The following ERI1 variants were observed in gnomAD, a reference collection of about 807,000 sequenced individuals.
ERI1 encodes exoribonuclease 1.
A neutral mutation model predicts 39.7 loss-of-function variants in ERI1; 39 were observed. The observed-to-expected ratio is 0.98, with a 90% CI of 0.76 to 1.28. ERI1 has a LOEUF of 1.28. ERI1 is among the 50% of genes most tolerant of loss of function. The pLI, the probability that ERI1 is intolerant of heterozygous loss-of-function variation, is 0.00. For synonymous variants in ERI1, 204 were observed against 149.6 expected (o/e 1.36, Z -2.65); for missense variants, 581 against 416.9 (o/e 1.39, Z -3.43).
intron 3 of ERI1, among the ~76,000 whole-genome samples, chr8:9,083,245 A>C (rs1585294094): frequency 1.3e-5 from 2 of 152,148 alleles, no homozygotes; most frequent in East Asian, 3.9e-4. Context: ...TTTCAGTGAA[A>C]AATATTACTT....
chr8:9,072,779 C>T (rs374365147), intron 3 of ERI1, among the ~76,000 whole-genome samples: 2 of 152,296 alleles, frequency 1.3e-5, no homozygotes, highest in East Asian at 1.9e-4. Context: ...CCCCCCACCC[C>T]ACTCCCGACA....
downstream of ERI1, among the ~76,000 whole-genome samples, chr8:9,037,253 T>TA (rs1450102444): frequency 6.6e-6 from 1 of 152,180 alleles, no homozygotes; most frequent in Admixed American, 6.5e-5. Context: ...GGGTAATAGT[T>TA]ACTCCCCTCA....
chr8:9,070,916 G>T (rs994629794), intron 3 of ERI1, among the ~76,000 whole-genome samples: 9 of 152,170 alleles, frequency 5.9e-5, no homozygotes, highest in African/African-American at 2.2e-4. Context: ...GGCCCCAGGT[G>T]GCAGGGTTGG....
In ERI1 at chr8:9,070,552, C is replaced by G. The variant is rs954341812; in HGVS notation, n.300-45796C>G. Among the ~76,000 whole-genome samples the G allele has an allele frequency of 2.0e-5, 3 of 152,148 alleles. No individual in the cohort carries two copies. In the South Asian group the frequency reaches 6.2e-4, roughly 32 times the overall value. ...TTGGGATACATTGGCAGGTTCAGAACTACTAGTATGGAACAGAAAGGAAGA... is the reference window on the plus strand; with the variant it reads ...TTGGGATACATTGGCAGGTTCAGAAGTACTAGTATGGAACAGAAAGGAAGA... On this transcript the variant is annotated intron_variant and non_coding_transcript_variant, in intron 3 of 3. Coordinates refer to the ERI1 transcript ENST00000518663.
Position 9,060,104 on chromosome 8 carries a change from A to G in ERI1, n.299+39640A>G, listed in dbSNP as rs1387175431. ...CTTTAAAAGACCATTAGTCCGTTCT[A>G]CCTTTCCTGAATATTGAGGATGGTA... is the stretch of plus-strand genomic sequence containing the variant. On this transcript the variant is annotated intron_variant and non_coding_transcript_variant, in intron 3 of 3. Coordinates refer to the ERI1 transcript ENST00000518663. Among the ~76,000 whole-genome samples, 4 of 152,142 alleles carry G rather than the reference A, an allele frequency of 2.6e-5. No homozygotes were observed. In the East Asian group the frequency reaches 7.7e-4, roughly 29 times the overall value.
At chr8:9,009,616 T>G (rs892266807) in intron 2 of ERI1, among the ~76,000 whole-genome samples, 12 of 151,702 alleles carry the variant, frequency 7.9e-5, no homozygotes, top group African/African-American at 2.9e-4. Flanking sequence ...CTCGGCTCAC[T>G]GCAACCTCCG....
chr8:9,035,952 A>G (rs761491501), downstream of ERI1, among the ~76,000 whole-genome samples: 1 of 152,226 alleles, frequency 6.6e-6, no homozygotes, highest in Admixed American at 6.5e-5. Context: ...TAGGGGCCCA[A>G]GACTTCAGTG....
chr8:9,052,340 C>A (rs1025928214), intron 3 of ERI1, among the ~76,000 whole-genome samples: 1 of 151,976 alleles, frequency 6.6e-6, no homozygotes, highest in Non-Finnish European at 1.5e-5. Flanking sequence ...CAATAAATCC[C>A]CTTTAAGCAA....
intron 1 of ERI1, among the ~76,000 whole-genome samples, chr8:9,005,567 T>G (rs947459074): frequency 1.0e-4 from 15 of 149,178 alleles, no homozygotes; most frequent in Non-Finnish European, 8.9e-5. Flanking sequence ...CAGGCTGGAG[T>G]GCAGCGGCTC....
chr8:9,045,625 C>G (rs1037957236), intron 3 of ERI1, among the ~76,000 whole-genome samples: 2 of 151,700 alleles, frequency 1.3e-5, no homozygotes, highest in Non-Finnish European at 2.9e-5. Flanking sequence ...AGCAAGACCC[C>G]TATTTGTATT....
At chr8:9,058,876 A>G (rs1025192222) in intron 3 of ERI1, among the ~76,000 whole-genome samples, 3 of 145,218 alleles carry the variant, frequency 2.1e-5, no homozygotes, top group Non-Finnish European at 4.6e-5. Context: ...TAAATCTTTT[A>G]TCTTTGGCCT....
chr8:9,095,302 C>A (rs1020846175), intron 3 of ERI1, among the ~76,000 whole-genome samples: 3 of 152,112 alleles, frequency 2.0e-5, no homozygotes, highest in South Asian at 2.1e-4. Flanking sequence ...AACCCATCAC[C>A]CAAATAGTGA....
At chr8:9,016,201 G>A in intron 3 of ERI1, 121 bp from the exon 4 acceptor site, 1 of 467,410 alleles carries the variant, frequency 2.1e-6, no homozygotes, top group Non-Finnish European at 3.9e-6. Flanking sequence ...TTAAAAACTG[G>A]AAGGGTTTAT....
At chr8:9,079,368 T>G (rs1216445604) in intron 3 of ERI1, among the ~76,000 whole-genome samples, 2 of 152,318 alleles carry the variant, frequency 1.3e-5, no homozygotes, top group East Asian at 1.9e-4. Context: ...CTATAGACCG[T>G]TTTCATTTTC....
chr8:9,074,121 G>C (rs545990009), intron 3 of ERI1, among the ~76,000 whole-genome samples: 2 of 151,514 alleles, frequency 1.3e-5, no homozygotes, highest in Middle Eastern at 3.4e-3. Context: ...TTTCGTTTTT[G>C]TTTTTTTGAG....
At chr8:9,051,136 G>A (rs1361242292) in intron 3 of ERI1, among the ~76,000 whole-genome samples, 1 of 151,636 alleles carries the variant, frequency 6.6e-6, no homozygotes, top group Non-Finnish European at 1.5e-5. Flanking sequence ...ATAGGGAATT[G>A]GAGGTATATA....
intron 3 of ERI1, among the ~76,000 whole-genome samples, chr8:9,090,425 A>G (rs1336538002): frequency 2.0e-5 from 3 of 152,234 alleles, no homozygotes; most frequent in Non-Finnish European, 4.4e-5. Context: ...AGCAATGCAG[A>G]TGAAGATCTA....
intron 3 of ERI1, among the ~76,000 whole-genome samples, chr8:9,013,522 C>T (rs1816898040): frequency 6.6e-6 from 1 of 151,974 alleles, no homozygotes; most frequent in Non-Finnish European, 1.5e-5. Context: ...AATCCTAGCC[C>T]CCGTTCTCTG....
intron 1 of ERI1, chr8:9,004,152 G>A (rs1815696872): frequency 7.8e-7 from 1 of 1,289,148 alleles, no homozygotes; most frequent in Non-Finnish European, 1.0e-6. Context: ...TTTGCCCTGT[G>A]TGCACTTCCT....
Sources: gnomAD v4.1 joint callset for allele counts (sites outside exome capture counted in the v4.1 genomes callset) on GRCh38, gnomAD v4.1.1 for gene constraint, MANE v1.5 for transcripts, NCBI Gene and HGNC (gene_info 2026-07-23, HGNC 2026-07-21) for gene names.